Variants in ZBTB8OS observed in about 807,000 individuals in gnomAD.
ZBTB8OS encodes the protein tRNA splicing ligase complex subunit 1.
ZBTB8OS carries 16 observed loss-of-function variants against 29.3 expected under a neutral mutation model. That is an observed-to-expected ratio of 0.55 (90% confidence interval 0.37 to 0.83). The LOEUF (loss-of-function observed/expected upper bound fraction) is 0.83. Among genes scored for constraint, ZBTB8OS ranks in the 40% least tolerant of loss-of-function variants. The pLI is 0.00. For synonymous variants in ZBTB8OS, 70 were observed against 64.6 expected, an observed-to-expected ratio of 1.08 and a Z score of -0.40; for missense variants, 160 against 196.9, an observed-to-expected ratio of 0.81 and a Z score of 1.12.
intron 6 of ZBTB8OS, among the ~76,000 whole-genome samples, chr1:32,625,284 CTCTTTTGG>C (rs1645039266): frequency 6.6e-6 from 1 of 150,766 alleles, no homozygotes; most frequent in Non-Finnish European, 1.5e-5. Flanking sequence ...TGGCTCACGC[CTCTTTTGG>C]GAGGCTGAGG....
chr1:32,632,492 G>T (rs1377206254), intron 4 of ZBTB8OS: 1 of 152,214 alleles, frequency 6.6e-6, no homozygotes, highest in Non-Finnish European at 1.5e-5. Context: ...TTGGCTCACT[G>T]CAACCTTCAC....
At chr1:32,621,992 G>T (rs778287693) in intron 6 of ZBTB8OS, 44 bp from the exon 7 acceptor site, 1 of 1,290,956 alleles carries the variant, frequency 7.7e-7, no homozygotes, top group Non-Finnish European at 1.1e-6. Flanking sequence ...AGGAAAATAG[G>T]ATATTGAAAT....
At chr1:32,635,993 C>A (rs1645923323) in intron 1 of ZBTB8OS, among the ~76,000 whole-genome samples, 1 of 152,154 alleles carries the variant, frequency 6.6e-6, no homozygotes, top group African/African-American at 2.4e-5. Flanking sequence ...AAATTGCTCT[C>A]GTGGATAACA....
chr1:32,634,385 C>G, intron 2 of ZBTB8OS: 1 of 313,314 alleles, frequency 3.2e-6, no homozygotes, highest in Non-Finnish European at 5.8e-6. Context: ...CACCACCAGA[C>G]CCGGCTAATT....
At chr1:32,638,851 T>C (rs1208916828) in intron 1 of ZBTB8OS, among the ~76,000 whole-genome samples, 1 of 152,032 alleles carries the variant, frequency 6.6e-6, no homozygotes, top group Non-Finnish European at 1.5e-5. Flanking sequence ...GTGGCAAAGG[T>C]TGCAATGAGT....
At chr1:32,645,035 T>A (rs1646731439) in intron 1 of ZBTB8OS, among the ~76,000 whole-genome samples, 1 of 151,756 alleles carries the variant, frequency 6.6e-6, no homozygotes, top group African/African-American at 2.4e-5. Context: ...AAAAATTAGC[T>A]GGGCATGGTG....
intron 1 of ZBTB8OS, among the ~76,000 whole-genome samples, chr1:32,641,868 C>T (rs1473843526): frequency 6.6e-6 from 1 of 152,016 alleles, no homozygotes; most frequent in Non-Finnish European, 1.5e-5. Context: ...TTGCAGTGAG[C>T]CGAGATTGTG....
Position 32,634,064 on chromosome 1 carries a change from G to GCACA in ZBTB8OS, c.130_131insTGTG (p.Ala44ValfsTer12), listed in dbSNP as rs1645770341. 6.4e-7 allele frequency: 1 copy of GCACA among 1,568,398 alleles called. No homozygotes were observed. The highest frequency in any genetic ancestry group is 1.4e-5 in the African/African-American group (1 of 72,420). The stretch of plus-strand genomic sequence containing the variant: ...TGCTTCCTCCAGAGTATCTCCCCAT[G>GCACA]CGTGTAACCTAAAGAAGTATATTCA... On this transcript the variant is annotated frameshift_variant, in exon 3 of 7. Coordinates refer to ENST00000468695, the MANE Select transcript of ZBTB8OS (RefSeq NM_178547.5). LOFTEE classifies it high-confidence loss of function.
chr1:32,621,890 G>A lies in ZBTB8OS; in HGVS notation c.476C>T (p.Pro159Leu), dbSNP rs772562698. ...AATGTCAATGATCACAAAAACTTCC[G>A]GGTTCTCTTCATTATAGACCTGCAT... ...SAMQVYNEEN[P>L]EVFVIIDI The change falls in exon 7 of 7, where the codon CCG (proline) becomes CTG (leucine). Residue 159 changes from proline (P) to leucine (L), a missense_variant. Physicochemically the swap from Pro to Leu is moderately conservative, Grantham distance 98. Coordinates refer to ENST00000468695, the MANE Select transcript of ZBTB8OS (RefSeq NM_178547.5). 7 of 1,593,606 alleles carry A rather than the reference G, an allele frequency of 4.4e-6. No homozygotes were observed. Among genetic ancestry groups the A allele is most frequent in the East Asian group, 4.5e-5 (2 of 44,542 alleles).
intron 6 of ZBTB8OS, among the ~76,000 whole-genome samples, chr1:32,625,733 T>C (rs1000339242): frequency 2.6e-5 from 4 of 152,132 alleles, no homozygotes; most frequent in African/African-American, 9.7e-5. Context: ...TAGGAATAAA[T>C]GAAATTAATT....
In ZBTB8OS at chr1:32,643,419, G is replaced by T. The variant is rs1035052793; in HGVS notation, c.97+7014C>A. ...TGGTTTTTTTTTCTTTAAAGAGATG[G>T]GTTCTCACTGTCTACCAAGGTGGAG... is the stretch of plus-strand genomic sequence containing the variant. On this transcript the variant is annotated intron_variant, in intron 1 of 6. Transcript: ENST00000468695. Among the ~76,000 whole-genome samples the T allele has an allele frequency of 9.2e-5, 14 of 151,756 alleles. No homozygotes were observed. The East Asian group carries it at 2.3e-3, about 25-fold the overall frequency.
chr1:32,623,693 TCACTCTCAGCTC>T (rs914807486), intron 6 of ZBTB8OS, among the ~76,000 whole-genome samples: 50 of 152,296 alleles, frequency 3.3e-4, no homozygotes, highest in Middle Eastern at 3.4e-3. Context: ...TATTACACCT[TCACTCTCAGCTC>T]CAGCTTGCTG....
At chr1:32,625,242 T>C (rs1027035395) in intron 6 of ZBTB8OS, among the ~76,000 whole-genome samples, 3 of 133,614 alleles carry the variant, frequency 2.2e-5, no homozygotes, top group African/African-American at 5.7e-5. Flanking sequence ...GAAAGAATAA[T>C]AATAATAAAA....
intron 1 of ZBTB8OS, among the ~76,000 whole-genome samples, chr1:32,641,091 G>T (rs1050410562): frequency 2.6e-5 from 4 of 151,262 alleles, no homozygotes; most frequent in Admixed American, 6.6e-5. Flanking sequence ...AGAATCCCTT[G>T]AACCTAGAAG....
intron 5 of ZBTB8OS, among the ~76,000 whole-genome samples, chr1:32,631,354 C>CAAAAAAA (rs560515421): frequency 1.6e-5 from 1 of 63,206 alleles, no homozygotes; most frequent in African/African-American, 6.1e-5. Context: ...GACCCTGTAT[C>CAAAAAAA]AAAAAAAAAA....
intron 6 of ZBTB8OS, among the ~76,000 whole-genome samples, chr1:32,625,819 G>A (rs757595663): frequency 6.6e-6 from 1 of 151,506 alleles, no homozygotes; most frequent in Non-Finnish European, 1.5e-5. Flanking sequence ...ATAACATTTT[G>A]GTCAATGACT....
chr1:32,639,223 G>A lies in ZBTB8OS; in HGVS notation c.98-4431C>T, dbSNP rs1646217989. Among the ~76,000 whole-genome samples the A allele has an allele frequency of 2.6e-5, 4 of 150,946 alleles. No homozygotes were observed. The South Asian group carries it at 8.4e-4, about 32-fold the overall frequency. On this transcript the variant is annotated intron_variant, in intron 1 of 6. Transcript: ENST00000468695. ...TGAGGCAGAAGAGCTGCTTGGACCT[G>A]GGAGGTAGAGGTTGCAGTGAGCCAA...
At chr1:32,629,782 C>G (rs1175122603) in intron 5 of ZBTB8OS, among the ~76,000 whole-genome samples, 1 of 134,564 alleles carries the variant, frequency 7.4e-6, no homozygotes, top group East Asian at 2.2e-4. Flanking sequence ...GAGCCAGAGT[C>G]TCGCGCTGTT....
At chr1:32,630,503 T>C (rs908250840) in intron 5 of ZBTB8OS, among the ~76,000 whole-genome samples, 11 of 151,570 alleles carry the variant, frequency 7.3e-5, no homozygotes, top group African/African-American at 2.7e-4. Context: ...CAGTGAGCCA[T>C]GATTACACCA....
Sources: allele counts gnomAD v4.1 joint callset (sites outside exome capture counted in the v4.1 genomes callset), GRCh38; gene constraint gnomAD v4.1.1; transcripts MANE v1.5; gene names NCBI Gene and HGNC (gene_info 2026-07-23, HGNC 2026-07-21).